The following LITAF variants were observed in gnomAD, a reference collection of about 807,000 sequenced individuals.
LITAF encodes the protein lipopolysaccharide-induced tumor necrosis factor-alpha factor.
Under a neutral mutation model 14.5 loss-of-function variants are expected in LITAF, and 9 were observed. The observed-to-expected ratio is 0.62, with a 90% confidence interval of 0.37 to 1.08. The LOEUF is 1.08. LITAF is among the 50% of genes least tolerant of loss of function. The pLI, the probability that LITAF is intolerant of heterozygous loss-of-function variation, is 0.01. For missense variants in LITAF, 206 were observed against 213.4 expected (o/e 0.97, Z 0.22); for synonymous variants, 98 against 88.2 (o/e 1.11, Z -0.62).
rs1483080990 is a variant in LITAF at position 11,548,442 on chromosome 16, T to C, written c.*1195A>G. 1 of 453,998 alleles carries C rather than the reference T, an allele frequency of 2.2e-6. No homozygotes were observed. The highest frequency in any genetic ancestry group is 4.4e-6 in the Non-Finnish European group (1 of 226,756). The allele number at this position is 453,998 out of a possible 1,614,324, so 28.1% of individuals were successfully genotyped here. On this transcript the variant is annotated 3_prime_UTR_variant, in exon 4 of 4. Coordinates refer to ENST00000622633, the MANE Select transcript of LITAF (RefSeq NM_001136472.2). ...GCATCCGCACCATGGTACCCAGACA[T>C]GCTCAAAATGTGCTTTCCCTTATCT...
chr16:11,630,878 T>G (rs1481076240), intron 3 of LITAF, among the ~76,000 whole-genome samples: 1 of 152,148 alleles, frequency 6.6e-6, no homozygotes, highest in Non-Finnish European at 1.5e-5. Context: ...ATCACAGGCA[T>G]GGGCCACGGT....
chr16:11,581,550 T>C (rs1296411177), intron 1 of LITAF, among the ~76,000 whole-genome samples: 1 of 151,892 alleles, frequency 6.6e-6, no homozygotes, highest in Non-Finnish European at 1.5e-5. Context: ...GAGAGGGAGG[T>C]TGAGGCTGCA....
Position 11,627,948 on chromosome 16 carries a change from C to T in LITAF, c.85+5585G>A, listed in dbSNP as rs923061001. 4.4e-5 allele frequency among the ~76,000 whole-genome samples: 6 copies of T among 135,398 alleles called. No homozygotes were observed. The South Asian group carries it at 1.3e-3, about 29-fold the overall frequency. 88.8% of individuals were successfully genotyped at this position (135,398 alleles called of 152,430 possible). A position where few individuals can be genotyped will look rare whatever the true frequency, so the allele number is the denominator to read the frequency against. On this transcript the variant is annotated intron_variant, in intron 3 of 3. Transcript: ENST00000574848. Reference sequence around the variant, plus strand: ...AGGAAAATCATTTGAACCCAGGAGGCGGAGGTTGCAGTGAGATTGCGTCAC... The same window carrying T: ...AGGAAAATCATTTGAACCCAGGAGGTGGAGGTTGCAGTGAGATTGCGTCAC...
rs1261974215 is a variant in LITAF, at chr16:11,605,110, C to G, written c.85+28423G>C. 6.6e-6 allele frequency among the ~76,000 whole-genome samples: 1 copy of G among 152,152 alleles called. No individual in the cohort carries two copies. Among genetic ancestry groups the G allele is most frequent in the Non-Finnish European group, 1.5e-5 (1 of 68,024 alleles). On this transcript the variant is annotated intron_variant, in intron 3 of 3. Transcript: ENST00000574848. The surrounding 1 kb of genome is among the most constrained non-coding windows in gnomAD (Gnocchi z 4.7). Reference sequence around the variant, plus strand: ...CACCCGTGTGCAGGCCCTCAGGGCTCCCAGGAACAGGAATGTGTCCTTTCC... The same window carrying G: ...CACCCGTGTGCAGGCCCTCAGGGCTGCCAGGAACAGGAATGTGTCCTTTCC...
Position 11,634,334 on chromosome 16 carries a change from C to G in LITAF, c.-20-697G>C, listed in dbSNP as rs1462926073. Reference sequence around the variant, plus strand: ...AAGTGATACTTTTGTTTTTAGTGTACAGTTTAATGATAATGATTCCCTTCC... The same window carrying G: ...AAGTGATACTTTTGTTTTTAGTGTAGAGTTTAATGATAATGATTCCCTTCC... On this transcript the variant is annotated intron_variant, in intron 2 of 3. Transcript: ENST00000574848. The surrounding 1 kb of genome is among the most constrained non-coding windows in gnomAD (Gnocchi z 4.1). Among the ~76,000 whole-genome samples, 1 of 152,154 alleles carries G rather than the reference C, an allele frequency of 6.6e-6. No homozygotes were observed. Among genetic ancestry groups the G allele is most frequent in the Non-Finnish European group, 1.5e-5 (1 of 68,048 alleles).
At chr16:11,611,180 A>G (rs2064980376) in intron 3 of LITAF, among the ~76,000 whole-genome samples, 1 of 151,982 alleles carries the variant, frequency 6.6e-6, no homozygotes, top group South Asian at 2.1e-4. Context: ...TGAGACAAAA[A>G]AAAAAATTTT....
chr16:11,564,430 T>G (rs565523692), intron 1 of LITAF, among the ~76,000 whole-genome samples: 75 of 152,294 alleles, frequency 4.9e-4, no homozygotes, highest in South Asian at 1.0e-3. Flanking sequence ...AATAGGCCAG[T>G]GCAAGCTGCT....
intron 1 of LITAF, among the ~76,000 whole-genome samples, chr16:11,567,186 G>A (rs113703658): frequency 2.3e-3 from 353 of 152,186 alleles, no homozygotes; most frequent in African/African-American, 8.2e-3. Context: ...TTGGGAGGCC[G>A]AGGCAGGCGG....
At chr16:11,568,691 T>TTG (rs1313502168) in intron 1 of LITAF, among the ~76,000 whole-genome samples, 3 of 150,530 alleles carry the variant, frequency 2.0e-5, no homozygotes, top group Admixed American at 6.6e-5. Flanking sequence ...TTGTTTTTTT[T>TTG]TTTTTTGAGA....
At chr16:11,584,550 C>T (rs939982679) in intron 1 of LITAF, among the ~76,000 whole-genome samples, 11 of 152,188 alleles carry the variant, frequency 7.2e-5, no homozygotes, top group Non-Finnish European at 1.5e-4. Flanking sequence ...GTACCTCTTC[C>T]ACAGCTCTAC....
intron 3 of LITAF, among the ~76,000 whole-genome samples, chr16:11,608,231 C>T (rs1334548989): frequency 2.6e-5 from 4 of 152,180 alleles, no homozygotes; most frequent in African/African-American, 7.2e-5. Flanking sequence ...ACACCGCAAG[C>T]ACAGCCCAGG....
intron 1 of LITAF, among the ~76,000 whole-genome samples, chr16:11,576,774 G>A (rs1286482438): frequency 2.0e-5 from 3 of 152,168 alleles, no homozygotes; most frequent in Admixed American, 1.3e-4. Flanking sequence ...GTTGCCGTGG[G>A]CGCCTCCTCT....
intron 3 of LITAF, among the ~76,000 whole-genome samples, chr16:11,620,973 G>T (rs1427383206): frequency 6.6e-6 from 1 of 152,066 alleles, no homozygotes; most frequent in Non-Finnish European, 1.5e-5. Flanking sequence ...ATGGCTTACT[G>T]CAGCCTCAAC....
intron 2 of LITAF, among the ~76,000 whole-genome samples, chr16:11,555,658 C>CAAAAAA (rs5815645): frequency 2.5e-5 from 3 of 121,990 alleles, no homozygotes; most frequent in Non-Finnish European, 3.5e-5. Context: ...GACCCTGTCT[C>CAAAAAA]AAAAAAAAAA....
chr16:11,613,223 A>G (rs1395817969), intron 3 of LITAF, among the ~76,000 whole-genome samples: 2 of 152,030 alleles, frequency 1.3e-5, no homozygotes, highest in Non-Finnish European at 2.9e-5. Flanking sequence ...TATTTTTAGT[A>G]GAGATGGGGT....
chr16:11,625,025 A>T (rs1032752026), intron 3 of LITAF, among the ~76,000 whole-genome samples: 1 of 152,160 alleles, frequency 6.6e-6, no homozygotes. Context: ...CCAGCTCTGG[A>T]CTGGAGGACC....
In LITAF at chr16:11,586,450, T is replaced by G. The variant is rs2064808781; in HGVS notation, c.-6+436A>C. 6.6e-6 allele frequency: 1 copy of G among 152,234 alleles called. No homozygotes were observed. Among genetic ancestry groups the G allele is most frequent in the South Asian group, 2.1e-4 (1 of 4,836 alleles). 9.4% of individuals were successfully genotyped at this position (152,234 alleles called of 1,614,324 possible). ...ATTCGTTGGGGTTTTTTTGTTTGTTTTGGTTTTGTTTCTGAACCCCCGGGG... is the reference window on the plus strand; with the variant it reads ...ATTCGTTGGGGTTTTTTTGTTTGTTGTGGTTTTGTTTCTGAACCCCCGGGG... On this transcript the variant is annotated intron_variant, in intron 1 of 3. Transcript: ENST00000622633. This position sits in a 1 kb window ranked among gnomAD's most constrained non-coding sequence, Gnocchi z 6.5.
upstream of LITAF, among the ~76,000 whole-genome samples, chr16:11,637,461 G>C (rs1328500516): frequency 6.6e-6 from 1 of 152,242 alleles, no homozygotes; most frequent in Non-Finnish European, 1.5e-5. Context: ...AGCCAAGTCT[G>C]TTTCTGCTGC....
chr16:11,613,788 C>G (rs1296867521), intron 3 of LITAF, among the ~76,000 whole-genome samples: 1 of 152,192 alleles, frequency 6.6e-6, no homozygotes, highest in Non-Finnish European at 1.5e-5. Context: ...TGGGGCAAAG[C>G]CCAGACAGAA....
Sources: allele counts gnomAD v4.1 joint callset (sites outside exome capture counted in the v4.1 genomes callset), GRCh38; gene constraint gnomAD v4.1.1; non-coding constraint Gnocchi (gnomAD v3.1); transcripts MANE v1.5; gene names NCBI Gene and HGNC (gene_info 2026-07-23, HGNC 2026-07-21).